Variants in CYP4F12 observed in about 807,000 individuals in gnomAD.
CYP4F12 encodes cytochrome P450 family 4 subfamily F member 12.
A neutral mutation model predicts 56.5 loss-of-function variants in CYP4F12; 60 were observed. The observed-to-expected ratio is 1.06, with a 90% CI of 0.86 to 1.32. CYP4F12 has a LOEUF of 1.32. Ranked by LOEUF, CYP4F12 falls within the 40% of genes most tolerant of loss-of-function variation. The pLI is 0.00. For missense variants in CYP4F12, 711 were observed against 683.5 expected (o/e 1.04, Z -0.45); for synonymous variants, 263 against 264.9 (o/e 0.99, Z 0.07).
intron 9 of CYP4F12, among the ~76,000 whole-genome samples, chr19:15,690,421 C>A (rs977339851): frequency 1.3e-5 from 2 of 152,162 alleles, no homozygotes; most frequent in African/African-American, 4.8e-5. Flanking sequence ...CAATAGATCT[C>A]AAAACTTATT....
Position 15,696,888 on chromosome 19 carries a change from G to A in CYP4F12, c.1398-20G>A. ...AATGCGGGTCTTGGGCACAGTCACA[G>A]TCCCCACTCCCGCCTGCAGGAACTG... is the stretch of plus-strand genomic sequence containing the variant. On this transcript the variant is annotated intron_variant, in intron 12 of 12. Transcript: ENST00000550308. The A allele has an allele frequency of 6.2e-7, 1 of 1,601,016 alleles. No individual in the cohort carries two copies. The highest frequency in any genetic ancestry group is 8.5e-7 in the Non-Finnish European group (1 of 1,172,624).
chr19:15,693,142 G>A (rs2007953665), intron 9 of CYP4F12, among the ~76,000 whole-genome samples: 1 of 149,774 alleles, frequency 6.7e-6, no homozygotes, highest in South Asian at 2.1e-4. Context: ...AATTTTTTAA[G>A]ATGCTTAAAA....
At chr19:15,687,076 G>A (rs957995935) in intron 9 of CYP4F12, among the ~76,000 whole-genome samples, 6 of 152,122 alleles carry the variant, frequency 3.9e-5, no homozygotes, top group African/African-American at 1.4e-4. Context: ...AGGAGATCGA[G>A]ACCATCCTGG....
intron 7 of CYP4F12, 190 bp downstream of exon 7, chr19:15,683,953 C>A: frequency 3.5e-6 from 2 of 565,494 alleles, no homozygotes; most frequent in Non-Finnish European, 5.8e-6. Flanking sequence ...AATTCTGAAA[C>A]TGTGAGGAGC....
chr19:15,694,551 C>G (rs1401274706), intron 9 of CYP4F12, among the ~76,000 whole-genome samples: 1 of 152,148 alleles, frequency 6.6e-6, no homozygotes, highest in Non-Finnish European at 1.5e-5. Context: ...TATCCTGAGA[C>G]TTTGCTGAAG....
intron 5 of CYP4F12, chr19:15,681,635 G>A (rs2007304947): frequency 1.3e-5 from 2 of 152,238 alleles, no homozygotes. Context: ...AATAGTGGCA[G>A]AAACAAGCCT....
At chr19:15,691,496 A>C (rs1048148476) in intron 9 of CYP4F12, among the ~76,000 whole-genome samples, 1 of 152,148 alleles carries the variant, frequency 6.6e-6, no homozygotes, top group Admixed American at 6.5e-5. Flanking sequence ...TGTATTATTA[A>C]ATTTAAATTT....
intron 12 of CYP4F12, 71 bp downstream of exon 12, chr19:15,696,583 A>G: frequency 6.7e-7 from 1 of 1,496,026 alleles, no homozygotes; most frequent in South Asian, 1.2e-5. Context: ...GGGACGTTGC[A>G]GATGGTCCCA....
At position 15,683,713 on chromosome 19, in the gene CYP4F12, A is replaced by G; in HGVS notation, c.868A>G (p.Lys290Glu). 3 of 1,603,288 alleles carry G rather than the reference A, an allele frequency of 1.9e-6. No individual in the cohort carries two copies. Among genetic ancestry groups the G allele is most frequent in the Non-Finnish European group, 1.7e-6 (2 of 1,175,256 alleles). ...GGGTATTGATGATTTTTTCAAAGACAAAGCCAAGTCCAAGACTTTGGATTT... is the reference window on the plus strand; with the variant it reads ...GGGTATTGATGATTTTTTCAAAGACGAAGCCAAGTCCAAGACTTTGGATTT... Reference protein sequence around the residue: ...TQGIDDFFKDKAKSKTLDFID... With the variant: ...TQGIDDFFKDEAKSKTLDFID... The change falls in exon 7 of 13, where the codon AAA becomes GAA. Residue 290 changes from lysine to glutamate, a missense_variant. Transcript: ENST00000550308.
At chr19:15,682,596 A>T in intron 6 of CYP4F12, 86 bp downstream of exon 6, 1 of 1,578,448 alleles carries the variant, frequency 6.3e-7, no homozygotes, top group Non-Finnish European at 8.7e-7. Context: ...AGTAACCAGA[A>T]GTACCTTTCG....
intron 1 of CYP4F12, 187 bp downstream of exon 1, chr19:15,673,322 T>G: frequency 1.7e-6 from 1 of 592,926 alleles, no homozygotes; most frequent in Middle Eastern, 2.6e-4. Flanking sequence ...TCTCTTTCCC[T>G]TTCTGTGTGG....
chr19:15,691,363 A>G lies in CYP4F12; in HGVS notation c.1116-4573A>G, dbSNP rs1342401572. On this transcript the variant is annotated intron_variant, in intron 9 of 12. Transcript: ENST00000550308. ...ACATCACTGCAGGACAAATTCCCAAAAGTGCAATTGTTGAACCAAAGACCA... is the reference window on the plus strand; with the variant it reads ...ACATCACTGCAGGACAAATTCCCAAGAGTGCAATTGTTGAACCAAAGACCA... Among the ~76,000 whole-genome samples, 4 of 152,352 alleles carry G rather than the reference A, an allele frequency of 2.6e-5. No homozygotes were observed. The East Asian group carries it at 7.7e-4, about 29-fold the overall frequency.
At chr19:15,682,891 C>A (rs141148048) in intron 6 of CYP4F12, among the ~76,000 whole-genome samples, 1 of 152,184 alleles carries the variant, frequency 6.6e-6, no homozygotes, top group Non-Finnish European at 1.5e-5. Flanking sequence ...TAGCCCACCA[C>A]CACGCCCAGC....
chr19:15,686,246 T>C (rs646918), intron 9 of CYP4F12, among the ~76,000 whole-genome samples: 3,310 of 152,082 alleles, frequency 0.022, 12 homozygotes, highest in African/African-American at 0.077. Flanking sequence ...TGAGGTCAGG[T>C]TTAAGATCAA....
At chr19:15,680,565 G>A (rs1213778823) in intron 5 of CYP4F12, 46 bp downstream of exon 5, 1 of 1,613,724 alleles carries the variant, frequency 6.2e-7, no homozygotes. Flanking sequence ...TTGGGGTGGA[G>A]GGACCATGGA....
intron 2 of CYP4F12, among the ~76,000 whole-genome samples, chr19:15,676,176 T>G (rs1386353929): frequency 6.6e-6 from 1 of 151,830 alleles, no homozygotes; most frequent in African/African-American, 2.4e-5. Context: ...CGTCTCAGGG[T>G]GGGTGGACTT....
rs1415231737 is a variant in CYP4F12 at position 15,673,224 on chromosome 19, CA to C, written c.-2+90del. 1.3e-5 allele frequency: 7 copies of C among 530,176 alleles called. No homozygotes were observed. In the Admixed American group the frequency reaches 1.6e-4, roughly 12 times the overall value. 32.8% of individuals were successfully genotyped at this position (530,176 alleles called of 1,614,324 possible). On this transcript the variant is annotated intron_variant, in intron 1 of 12. Transcript: ENST00000550308. ...GGCTGGGGTGGCTCCAAGATGCTGG[CA>C]TGGGAAACTGGGGGTTTCCTGGTAA... is the stretch of plus-strand genomic sequence containing the variant.
rs11306327 is a variant in CYP4F12 at position 15,687,276 on chromosome 19, CAAAAAAA to C, written c.1115+2089_1115+2095del. ...TGGGCAACAGAGTGAGACTCTTTCT[CAAAAAAA>C]AAAAAAAAAGAGCTTCCTTCTTAAC... On this transcript the variant is annotated intron_variant, in intron 9 of 12. Coordinates refer to ENST00000550308, the MANE Select transcript of CYP4F12 (RefSeq NM_023944.4). Among the ~76,000 whole-genome samples the C allele has an allele frequency of 2.8e-3, 416 of 146,084 alleles. 1 individual carries two copies. The highest frequency in any genetic ancestry group is 9.9e-3 in the African/African-American group (396 of 40,074).
At chr19:15,689,420 G>T (rs537324001) in intron 9 of CYP4F12, among the ~76,000 whole-genome samples, 1 of 152,170 alleles carries the variant, frequency 6.6e-6, no homozygotes, top group Non-Finnish European at 1.5e-5. Flanking sequence ...ATACCATCTT[G>T]TTTCTACAAG....
Sources: gnomAD v4.1 joint callset for allele counts (sites outside exome capture counted in the v4.1 genomes callset) on GRCh38, gnomAD v4.1.1 for gene constraint, MANE v1.5 for transcripts, NCBI Gene and HGNC (gene_info 2026-07-23, HGNC 2026-07-21) for gene names.